Variants in MYO1E observed in about 807,000 individuals in gnomAD.
MYO1E encodes the protein myosin IE, also known as unconventional myosin-Ie.
In MYO1E, 68 loss-of-function variants were observed where a neutral mutation model predicts 151.1. That is an observed-to-expected ratio of 0.45 (90% CI 0.37 to 0.55). The LOEUF is 0.55. Ranked by LOEUF, MYO1E falls within the 20% of genes least tolerant of loss-of-function variation. The pLI, the probability that MYO1E is intolerant of heterozygous loss-of-function variation, is 0.00. For missense variants in MYO1E, 1,363 were observed against 1,389.3 expected (o/e 0.98, Z 0.30); for synonymous variants, 601 against 501.7 (o/e 1.20, Z -2.64).
intron 2 of MYO1E, among the ~76,000 whole-genome samples, chr15:59,268,727 T>TTTTTTTTTTTTTTTTTTTG (rs1204402612): frequency 7.5e-6 from 1 of 132,790 alleles, no homozygotes; most frequent in African/African-American, 2.7e-5. Context: ...GGTATTTTTT[T>TTTTTTTTTTTTTTTTTTTG]TTTTTTTTTT....
chr15:59,190,328 G>T (rs2079725429), intron 17 of MYO1E, among the ~76,000 whole-genome samples: 1 of 152,160 alleles, frequency 6.6e-6, no homozygotes, highest in Admixed American at 6.5e-5. Flanking sequence ...TGCTGATAAC[G>T]GGGCTAATGC....
intron 7 of MYO1E, among the ~76,000 whole-genome samples, chr15:59,226,092 C>T (rs2037543738): frequency 6.6e-6 from 1 of 152,228 alleles, no homozygotes. Context: ...ATCCATTATA[C>T]ACTTCCATCT....
At position 59,208,785 on chromosome 15, in the gene MYO1E, C is replaced by T; in HGVS notation, c.1426G>A (p.Gly476Arg). The change falls in exon 14 of 28, where the codon GGG becomes AGG. Residue 476 changes from glycine to arginine, a missense_variant. Transcript: ENST00000288235. ...TTCTGGAGCAGCGTCTGATCTGCCCCCTCACCCACCGCATGCATCGTGGCG... is the reference window on the plus strand; with the variant it reads ...TTCTGGAGCAGCGTCTGATCTGCCCTCTCACCCACCGCATGCATCGTGGCG... Reference protein sequence around the residue: ...VCATMHAVGEGADQTLLQKLQ... With the variant: ...VCATMHAVGERADQTLLQKLQ... 6.2e-7 allele frequency: 1 copy of T among 1,614,222 alleles called. No individual in the cohort carries two copies. The highest frequency in any genetic ancestry group is 8.5e-7 in the Non-Finnish European group (1 of 1,180,044).
intron 12 of MYO1E, among the ~76,000 whole-genome samples, chr15:59,213,136 T>TTA (rs1555411636): frequency 3.6e-5 from 5 of 139,370 alleles, no homozygotes; most frequent in African/African-American, 1.4e-4. Flanking sequence ...GAACTATTTA[T>TTA]TTATTATTAT....
intron 9 of MYO1E, 34 bp downstream of exon 9, chr15:59,223,025 C>A: frequency 6.2e-7 from 1 of 1,613,078 alleles, no homozygotes; most frequent in South Asian, 1.1e-5. Context: ...GCTAGCCACC[C>A]CTCATTCAAT....
At chr15:59,333,612 C>T (rs1467223464) in intron 1 of MYO1E, among the ~76,000 whole-genome samples, 1 of 152,200 alleles carries the variant, frequency 6.6e-6, no homozygotes, top group Non-Finnish European at 1.5e-5. Context: ...CACAACCCTA[C>T]CACACAACAC....
At chr15:59,346,591 AT>A (rs1457329305) in intron 1 of MYO1E, among the ~76,000 whole-genome samples, 1 of 152,148 alleles carries the variant, frequency 6.6e-6, no homozygotes, top group Non-Finnish European at 1.5e-5. Context: ...TCCCATTCAA[AT>A]CAGTAACAAG....
At chr15:59,270,165 AT>A (rs1379711363) in intron 2 of MYO1E, among the ~76,000 whole-genome samples, 3 of 152,374 alleles carry the variant, frequency 2.0e-5, no homozygotes, top group African/African-American at 7.2e-5. Flanking sequence ...TGGAGTATAG[AT>A]TTTAAATGTT....
At chr15:59,303,685 C>T (rs769623876) in intron 1 of MYO1E, among the ~76,000 whole-genome samples, 1 of 152,226 alleles carries the variant, frequency 6.6e-6, no homozygotes, top group Non-Finnish European at 1.5e-5. Context: ...AGTAGTGGCA[C>T]TGAAGTGTGA....
intron 1 of MYO1E, among the ~76,000 whole-genome samples, chr15:59,353,584 C>T (rs183356010): frequency 7.3e-5 from 11 of 150,636 alleles, no homozygotes; most frequent in Non-Finnish European, 1.5e-4. Context: ...GGAGAAACCC[C>T]GTTTCTACTA....
intron 1 of MYO1E, among the ~76,000 whole-genome samples, chr15:59,314,387 G>A (rs34138071): frequency 0.25 from 37,971 of 152,078 alleles, 7,155 homozygotes; most frequent in African/African-American, 0.52. Context: ...TTCACACAGT[G>A]TCTTTTGCAT....
At chr15:59,177,544 G>C (rs2079632385) in intron 19 of MYO1E, among the ~76,000 whole-genome samples, 1 of 152,186 alleles carries the variant, frequency 6.6e-6, no homozygotes, top group Non-Finnish European at 1.5e-5. Context: ...TCTTGTGATG[G>C]TTAAGGGAGC....
Position 59,217,992 on chromosome 15 carries a change from A to C in MYO1E, c.1006T>G (p.Ser336Ala). The C allele has an allele frequency of 6.2e-7, 1 of 1,614,168 alleles. No individual in the cohort carries two copies. Among genetic ancestry groups the C allele is most frequent in the African/African-American group, 1.3e-5 (1 of 75,042 alleles). Reference sequence around the variant, plus strand: ...TTGAGGGTCACGTGGATGGATTCGGATTTGCCTCCCCACTTGCTATCCATC... The same window carrying C: ...TTGAGGGTCACGTGGATGGATTCGGCTTTGCCTCCCCACTTGCTATCCATC... ...RQMDSKWGGK[S>A]ESIHVTLNVE... Residue 336 changes from serine (S) to alanine (A), a missense_variant, in exon 10 of 28, where the codon TCC (serine) becomes GCC (alanine). Ser to Ala is a moderately conservative substitution (Grantham distance 99). Coordinates refer to ENST00000288235, the MANE Select transcript of MYO1E (RefSeq NM_004998.4).
At chr15:59,346,687 G>A (rs2080795933) in intron 1 of MYO1E, among the ~76,000 whole-genome samples, 1 of 152,182 alleles carries the variant, frequency 6.6e-6, no homozygotes, top group African/African-American at 2.4e-5. Flanking sequence ...AGCACTTTTG[G>A]AGGATCACTA....
chr15:59,165,032 A>C (rs2079556202), intron 22 of MYO1E, among the ~76,000 whole-genome samples: 1 of 152,240 alleles, frequency 6.6e-6, no homozygotes. Flanking sequence ...CCATCTATAA[A>C]GAAAAGACTG....
intron 22 of MYO1E, chr15:59,171,249 C>G (rs1217966510): frequency 1.9e-5 from 3 of 158,640 alleles, no homozygotes; most frequent in African/African-American, 7.2e-5. Context: ...TGCTAAGAAC[C>G]CCTAGCCTAG....
At chr15:59,138,691 G>T (rs906189078) in intron 26 of MYO1E, among the ~76,000 whole-genome samples, 3 of 152,130 alleles carry the variant, frequency 2.0e-5, no homozygotes, top group South Asian at 2.1e-4. Context: ...GAACATTCAG[G>T]TATCTGTCCC....
chr15:59,169,144 G>T (rs754328808), intron 22 of MYO1E, among the ~76,000 whole-genome samples: 1 of 152,222 alleles, frequency 6.6e-6, no homozygotes, highest in African/African-American at 2.4e-5. Context: ...AATTGTAAGA[G>T]CTAGAGATGG....
At position 59,372,689 on chromosome 15, in the gene MYO1E, G is replaced by C. The variant is rs947235664; in HGVS notation, c.-189C>G. On this transcript the variant is annotated 5_prime_UTR_variant, in exon 1 of 28. Transcript: ENST00000288235. Reference sequence around the variant, plus strand: ...CATCCAGGCGGGATTGGCGGTGCTAGGTGAGGGCGAGACGGCGGCGACTTA... The same window carrying C: ...CATCCAGGCGGGATTGGCGGTGCTACGTGAGGGCGAGACGGCGGCGACTTA... 93 of 681,728 alleles carry C rather than the reference G, an allele frequency of 1.4e-4. No homozygotes were observed. The highest frequency in any genetic ancestry group is 1.0e-3 in the East Asian group (33 of 32,736). The allele number at this position is 681,728 out of a possible 1,614,324, so 42.2% of individuals were successfully genotyped here. A position where few individuals can be genotyped will look rare whatever the true frequency, so the allele number is the denominator to read the frequency against.
Sources: gnomAD v4.1 joint callset for allele counts (sites outside exome capture counted in the v4.1 genomes callset) on GRCh38, gnomAD v4.1.1 for gene constraint, MANE v1.5 for transcripts, NCBI Gene and HGNC (gene_info 2026-07-23, HGNC 2026-07-21) for gene names.